Variants in WWOX observed in about 807,000 individuals in gnomAD.
The protein encoded by WWOX is WW domain-containing oxidoreductase.
Under a neutral mutation model 46.2 loss-of-function variants are expected in WWOX, and 69 were observed. The observed-to-expected ratio is 1.49, with a 90% CI of 1.23 to 1.82. The LOEUF (loss-of-function observed/expected upper bound fraction) is 1.82. WWOX is among the 40% of genes most tolerant of loss of function. The probability of loss-of-function intolerance (pLI) is 0.00; values close to 1 mark genes in which losing one functional copy is unlikely to be tolerated. For missense variants in WWOX, 919 were observed against 542.6 expected (o/e 1.69, Z -6.89); for synonymous variants, 359 against 202.6 (o/e 1.77, Z -6.56).
intron 7 of WWOX, among the ~76,000 whole-genome samples, chr16:78,427,650 A>G (rs772111044): frequency 6.6e-6 from 1 of 152,128 alleles, no homozygotes; most frequent in Non-Finnish European, 1.5e-5. Context: ...TTGGTAGCAC[A>G]TGCCTGTAAT....
At chr16:78,797,636 C>A (rs1406838903) in intron 8 of WWOX, among the ~76,000 whole-genome samples, 1 of 152,134 alleles carries the variant, frequency 6.6e-6, no homozygotes, top group African/African-American at 2.4e-5. Flanking sequence ...GAAGATTCGT[C>A]CAGTCTCAAG....
Position 79,191,762 on chromosome 16 carries a change from G to A in WWOX, c.1057-19846G>A, listed in dbSNP as rs2051141423. On this transcript the variant is annotated intron_variant, in intron 8 of 8. Coordinates refer to ENST00000566780, the MANE Select transcript of WWOX (RefSeq NM_016373.4). ...AAAAGTAGTGGAGCCTCAAGCTCAGGGAGATGTGACTGGAAAATCCACTGA... is the reference window on the plus strand; with the variant it reads ...AAAAGTAGTGGAGCCTCAAGCTCAGAGAGATGTGACTGGAAAATCCACTGA... 2.0e-5 allele frequency among the ~76,000 whole-genome samples: 3 copies of A among 152,148 alleles called. No homozygotes were observed. In the South Asian group the frequency reaches 6.2e-4, roughly 32 times the overall value.
At chr16:78,674,644 C>T (rs1437543762) in intron 8 of WWOX, among the ~76,000 whole-genome samples, 2 of 152,088 alleles carry the variant, frequency 1.3e-5, no homozygotes, top group Non-Finnish European at 2.9e-5. Flanking sequence ...CACTTCTGGC[C>T]ACCTGCCTTT....
At chr16:78,716,244 A>G (rs1009174243) in intron 8 of WWOX, among the ~76,000 whole-genome samples, 10 of 152,086 alleles carry the variant, frequency 6.6e-5, no homozygotes, top group Non-Finnish European at 1.3e-4. Flanking sequence ...TTGTGCTATC[A>G]TGAACGGGGG....
intron 5 of WWOX, among the ~76,000 whole-genome samples, chr16:78,300,116 C>G (rs1051561400): frequency 2.0e-5 from 3 of 152,230 alleles, no homozygotes. Flanking sequence ...TGATTTTTTT[C>G]CAACAGAATC....
intron 8 of WWOX, among the ~76,000 whole-genome samples, chr16:78,893,493 A>G (rs2044635604): frequency 6.6e-6 from 1 of 152,190 alleles, no homozygotes; most frequent in Non-Finnish European, 1.5e-5. Flanking sequence ...AGTGCCTGAA[A>G]TAGAGAAGGG....
At chr16:78,979,099 T>TG (rs1555506398) in intron 8 of WWOX, among the ~76,000 whole-genome samples, 1 of 148,504 alleles carries the variant, frequency 6.7e-6, no homozygotes. Flanking sequence ...TTTTTTTTTT[T>TG]CCCTATACAG....
intron 8 of WWOX, among the ~76,000 whole-genome samples, chr16:78,520,057 T>C (rs1455789506): frequency 6.6e-6 from 1 of 152,176 alleles, no homozygotes; most frequent in African/African-American, 2.4e-5. Flanking sequence ...TGGAACTTAT[T>C]GAGGGACATT....
intron 8 of WWOX, among the ~76,000 whole-genome samples, chr16:78,623,468 T>C (rs991657486): frequency 1.2e-4 from 18 of 152,046 alleles, no homozygotes; most frequent in African/African-American, 3.6e-4. Context: ...TCACCTGAGG[T>C]CATGAGTTCG....
intron 8 of WWOX, among the ~76,000 whole-genome samples, chr16:79,183,059 G>C (rs951200241): frequency 6.6e-6 from 1 of 152,180 alleles, no homozygotes; most frequent in Non-Finnish European, 1.5e-5. Flanking sequence ...TTCCATGTTG[G>C]GGTGCTCTTC....
intron 8 of WWOX, among the ~76,000 whole-genome samples, chr16:78,764,676 C>CTAAG (rs2049886316): frequency 6.7e-6 from 1 of 149,924 alleles, no homozygotes; most frequent in African/African-American, 2.5e-5. Context: ...AAGTGGCAGT[C>CTAAG]TAAGCCTCAG....
intron 8 of WWOX, among the ~76,000 whole-genome samples, chr16:78,475,716 C>T (rs1020493293): frequency 3.9e-5 from 6 of 152,164 alleles, no homozygotes; most frequent in Non-Finnish European, 7.3e-5. Context: ...ATGTCTCAGC[C>T]TCCCCAGTAG....
intron 8 of WWOX, among the ~76,000 whole-genome samples, chr16:79,187,424 A>G (rs963981820): frequency 1.3e-5 from 2 of 152,172 alleles, no homozygotes; most frequent in Non-Finnish European, 2.9e-5. Flanking sequence ...TTTTTGAGAC[A>G]GAGTATCGCT....
At chr16:79,069,130 G>A (rs574129238) in intron 8 of WWOX, among the ~76,000 whole-genome samples, 4 of 152,288 alleles carry the variant, frequency 2.6e-5, no homozygotes, top group South Asian at 2.1e-4. Context: ...ATCTCACTTC[G>A]GGGAAAGGTG....
chr16:79,117,976 CAT>C (rs2049551238), intron 8 of WWOX, among the ~76,000 whole-genome samples: 1 of 152,224 alleles, frequency 6.6e-6, no homozygotes, highest in Non-Finnish European at 1.5e-5. Flanking sequence ...TGGTTTCTAT[CAT>C]TTGTGTGTTC....
chr16:79,191,488 C>G (rs993277426), intron 8 of WWOX, among the ~76,000 whole-genome samples: 2 of 152,132 alleles, frequency 1.3e-5, no homozygotes, highest in Non-Finnish European at 1.5e-5. Flanking sequence ...GCTACAACTG[C>G]ACAAAGAATG....
chr16:78,713,097 C>G (rs572006674), intron 8 of WWOX, among the ~76,000 whole-genome samples: 2 of 151,580 alleles, frequency 1.3e-5, no homozygotes, highest in African/African-American at 2.4e-5. Flanking sequence ...TAGGGAGACC[C>G]TCATCTCTAC....
chr16:79,044,896 G>A (rs1453766532), intron 8 of WWOX, among the ~76,000 whole-genome samples: 1 of 152,136 alleles, frequency 6.6e-6, no homozygotes, highest in Non-Finnish European at 1.5e-5. Flanking sequence ...CCCCTGTGTA[G>A]AATGAGGCTA....
At chr16:79,090,720 G>A (rs377364201) in intron 8 of WWOX, among the ~76,000 whole-genome samples, 4 of 152,178 alleles carry the variant, frequency 2.6e-5, no homozygotes, top group African/African-American at 9.7e-5. Flanking sequence ...CATGCTCGGC[G>A]GGGCCCAGGC....
Sources: gnomAD v4.1 joint callset for allele counts (sites outside exome capture counted in the v4.1 genomes callset) on GRCh38, gnomAD v4.1.1 for gene constraint, MANE v1.5 for transcripts, NCBI Gene and HGNC (gene_info 2026-07-23, HGNC 2026-07-21) for gene names.